NCOA2: variants seen among roughly 807,000 people sequenced by gnomAD.
The protein encoded by NCOA2 is nuclear receptor coactivator 2, also known as class E basic helix-loop-helix protein 75.
Under a neutral mutation model 145.1 loss-of-function variants are expected in NCOA2, and 21 were observed. The observed-to-expected ratio is 0.14, with a 90% CI of 0.10 to 0.21. NCOA2 has a LOEUF of 0.21. Among genes scored for constraint, NCOA2 ranks in the 10% least tolerant of loss-of-function variants. NCOA2 has a pLI of 1.00. For missense variants in NCOA2, 1,472 were observed against 1,837.6 expected, an observed-to-expected ratio of 0.80 and a Z score of 3.64; for synonymous variants, 619 against 637.5, an observed-to-expected ratio of 0.97 and a Z score of 0.44.
intron 4 of NCOA2, among the ~76,000 whole-genome samples, chr8:70,198,694 T>G (rs147884443): frequency 8.0e-4 from 122 of 152,220 alleles, no homozygotes; most frequent in African/African-American, 2.8e-3. Context: ...ATTGGCTGAT[T>G]GTGGGGAAGG....
chr8:70,284,849 G>A (rs1826129439), intron 2 of NCOA2, among the ~76,000 whole-genome samples: 1 of 150,458 alleles, frequency 6.6e-6, no homozygotes, highest in African/African-American at 2.4e-5. Flanking sequence ...GAGGGAGAAG[G>A]GAGAAGGGAG....
chr8:70,160,965 T>C (rs1259961159), intron 9 of NCOA2, among the ~76,000 whole-genome samples: 1 of 152,230 alleles, frequency 6.6e-6, no homozygotes, highest in Non-Finnish European at 1.5e-5. Context: ...GCTTATAATT[T>C]CAGAATTTTA....
intron 1 of NCOA2, among the ~76,000 whole-genome samples, chr8:70,377,964 G>T (rs896676509): frequency 2.6e-5 from 4 of 152,216 alleles, no homozygotes; most frequent in African/African-American, 7.2e-5. Context: ...GACTGATACT[G>T]GCCTAATTAT....
chr8:70,146,368 AAATTT>A (rs1244942595), intron 12 of NCOA2, among the ~76,000 whole-genome samples: 45 of 152,362 alleles, frequency 3.0e-4, no homozygotes, highest in Middle Eastern at 3.4e-3. Context: ...TAACGCTATT[AAATTT>A]AATACTAAGA....
At chr8:70,202,421 C>T (rs73684223) in intron 4 of NCOA2, among the ~76,000 whole-genome samples, 7,577 of 152,038 alleles carry the variant, frequency 0.05, 631 homozygotes, top group African/African-American at 0.17. Context: ...TTCATAACAG[C>T]CAAGATATGG....
chr8:70,375,622 C>G (rs1333584228), intron 1 of NCOA2, among the ~76,000 whole-genome samples: 1 of 152,108 alleles, frequency 6.6e-6, no homozygotes, highest in East Asian at 1.9e-4. Flanking sequence ...GCTACTGGTG[C>G]TCAGTCCACA....
the NCOA2 span, among the ~76,000 whole-genome samples, chr8:70,446,082 A>T: frequency 1.3e-5 from 2 of 152,198 alleles, no homozygotes; most frequent in Admixed American, 6.5e-5. Context: ...ACACAAGTTA[A>T]ACATACAAGA....
chr8:70,436,955 G>T, the NCOA2 span, among the ~76,000 whole-genome samples: 18 of 152,176 alleles, frequency 1.2e-4, no homozygotes, highest in Non-Finnish European at 2.1e-4. Context: ...GATTTCAAAG[G>T]GCCTTTTAGG....
At chr8:70,213,436 T>A (rs1451694148) in intron 4 of NCOA2, among the ~76,000 whole-genome samples, 1 of 152,254 alleles carries the variant, frequency 6.6e-6, no homozygotes, top group African/African-American at 2.4e-5. Flanking sequence ...AAATCTCTTG[T>A]CATTCAGGAT....
At chr8:70,162,119 C>T (rs1813091666) in intron 9 of NCOA2, among the ~76,000 whole-genome samples, 1 of 151,260 alleles carries the variant, frequency 6.6e-6, no homozygotes, top group African/African-American at 2.4e-5. Flanking sequence ...GCTGTGAGGG[C>T]CAGTGAGAGG....
chr8:70,446,933 C>G, the NCOA2 span, among the ~76,000 whole-genome samples: 1 of 152,162 alleles, frequency 6.6e-6, no homozygotes, highest in African/African-American at 2.4e-5. Context: ...TAAATCTGAG[C>G]CTGCTCAGCA....
intron 1 of NCOA2, among the ~76,000 whole-genome samples, chr8:70,368,104 T>C (rs1810883428): frequency 6.6e-6 from 1 of 152,232 alleles, no homozygotes. Context: ...ATGCAAAGTA[T>C]AACAGCTTTT....
chr8:70,346,889 T>A (rs1286508968), intron 1 of NCOA2, among the ~76,000 whole-genome samples: 1 of 152,238 alleles, frequency 6.6e-6, no homozygotes, highest in East Asian at 1.9e-4. Flanking sequence ...CAGTTCAGTT[T>A]GCTGACAGGC....
At chr8:70,305,797 TAC>T (rs1028382143) in intron 1 of NCOA2, among the ~76,000 whole-genome samples, 2 of 152,238 alleles carry the variant, frequency 1.3e-5, no homozygotes, top group African/African-American at 4.8e-5. Context: ...GTCAATATTT[TAC>T]AGAGTTGTAG....
Position 70,110,422 on chromosome 8 carries a change from T to A in NCOA2, c.*3210A>T, listed in dbSNP as rs186394005. ...AGAAACTTAAAAGATTTTGCTTTAG[T>A]CTATAAAGAAACACCAGGGAGAAAA... On this transcript the variant is annotated 3_prime_UTR_variant, in exon 23 of 23. Transcript: ENST00000452400. The A allele has an allele frequency of 5.1e-6, 1 of 195,374 alleles. No homozygotes were observed. Among genetic ancestry groups the A allele is most frequent in the African/African-American group, 2.3e-5 (1 of 43,368 alleles). 12.1% of individuals were successfully genotyped at this position (195,374 alleles called of 1,614,324 possible).
chr8:70,395,055 A>G (rs527709128), intron 1 of NCOA2, among the ~76,000 whole-genome samples: 52 of 152,370 alleles, frequency 3.4e-4, no homozygotes, highest in Admixed American at 8.5e-4. Context: ...ATCTACATAC[A>G]TGAAATCCTT....
chr8:70,336,013 T>C (rs1388885677), intron 1 of NCOA2, among the ~76,000 whole-genome samples: 1 of 152,210 alleles, frequency 6.6e-6, no homozygotes, highest in Non-Finnish European at 1.5e-5. Flanking sequence ...AAAAATTATA[T>C]ACCTGCATAG....
chr8:70,136,100 G>A (rs777104209), intron 15 of NCOA2, among the ~76,000 whole-genome samples: 28 of 152,198 alleles, frequency 1.8e-4, no homozygotes, highest in Non-Finnish European at 3.8e-4. Context: ...TAGGCTGGGC[G>A]CGGTGGCTCA....
At chr8:70,140,680 C>A (rs1810301387) in intron 14 of NCOA2, among the ~76,000 whole-genome samples, 1 of 145,656 alleles carries the variant, frequency 6.9e-6, no homozygotes, top group South Asian at 2.2e-4. Context: ...GCTCAATGCA[C>A]CCTCCACCTC....
Sources: gnomAD v4.1 joint callset for allele counts (sites outside exome capture counted in the v4.1 genomes callset) on GRCh38, gnomAD v4.1.1 for gene constraint, MANE v1.5 for transcripts, NCBI Gene and HGNC (gene_info 2026-07-23, HGNC 2026-07-21) for gene names.